Variants in CLPTM1 observed in about 807,000 individuals in gnomAD.
CLPTM1 encodes the protein CLPTM1 regulator of GABA type A receptor forward trafficking.
CLPTM1 carries 21 observed loss-of-function variants against 77.3 expected under a neutral mutation model. The ratio of observed to expected loss-of-function variants is 0.27; its 90% confidence interval spans 0.19 to 0.39. The LOEUF (loss-of-function observed/expected upper bound fraction) is 0.39. Ranked by LOEUF, CLPTM1 falls within the 10% of genes least tolerant of loss-of-function variation. The pLI is 1.00. For synonymous variants in CLPTM1, 373 were observed against 381.0 expected (o/e 0.98, Z 0.24); for missense variants, 642 against 921.2 (o/e 0.70, Z 3.92).
intron 5 of CLPTM1, among the ~76,000 whole-genome samples, chr19:44,981,249 A>G (rs112309364): frequency 1.5e-4 from 23 of 151,682 alleles, no homozygotes; most frequent in Non-Finnish European, 2.6e-4. Context: ...GGTTCAAGCA[A>G]TTCTGCCTCA....
Position 44,987,302 on chromosome 19 carries a change from CCTT to C in CLPTM1, c.920_922del (p.Phe307del). ...CTGGCCAGCCTGCCGCTCCGCGTCTCCTTCTGCCCACTCTCGCTTTGGCGCTGG... is the reference window on the plus strand; with the variant it reads ...CTGGCCAGCCTGCCGCTCCGCGTCTCCTGCCCACTCTCGCTTTGGCGCTGG... On this transcript the variant is annotated inframe_deletion, in exon 8 of 14. Coordinates refer to ENST00000337392, the MANE Select transcript of CLPTM1 (RefSeq NM_001294.4). 3 of 1,614,284 alleles carry C rather than the reference CCTT, an allele frequency of 1.9e-6. No homozygotes were observed. The highest frequency in any genetic ancestry group is 2.5e-6 in the Non-Finnish European group (3 of 1,180,054).
rs1971077191 is a variant in CLPTM1, at chr19:44,991,611, T to A, written c.1555+238T>A. On this transcript the variant is annotated intron_variant, in intron 12 of 13. Coordinates refer to ENST00000337392, the MANE Select transcript of CLPTM1 (RefSeq NM_001294.4). This position sits in a 1 kb window ranked among gnomAD's most constrained non-coding sequence, Gnocchi z 5.4. The stretch of plus-strand genomic sequence containing the variant: ...GGGGCCTTTGTGTCTTGGGAACAAG[T>A]AAACAAGTAGGGCCAGGTGCAGTGG... Among the ~76,000 whole-genome samples, 1 of 152,030 alleles carries A rather than the reference T, an allele frequency of 6.6e-6. No homozygotes were observed. The highest frequency in any genetic ancestry group is 6.6e-5 in the Admixed American group (1 of 15,256).
Position 44,987,190 on chromosome 19 carries a change from G to C in CLPTM1, c.805G>C (p.Asp269His). The C allele has an allele frequency of 6.2e-7, 1 of 1,609,320 alleles. No individual in the cohort carries two copies. ...CCCACGTGCTGCAGATGTGAAGTTCGACGCCGTGAGCGGTGACTACTATCC... is the reference window on the plus strand; with the variant it reads ...CCCACGTGCTGCAGATGTGAAGTTCCACGCCGTGAGCGGTGACTACTATCC... ...PPPLDQYVKFDAVSGDYYPII... is the reference protein window; with the variant it reads ...PPPLDQYVKFHAVSGDYYPII... Residue 269 changes from aspartate (D) to histidine (H), a missense_variant, in exon 8 of 14, where the codon GAC becomes CAC. Physicochemically the swap from Asp to His is moderately conservative, Grantham distance 81 (BLOSUM62 -1). Transcript: ENST00000337392.
rs555781380 is a variant in CLPTM1 at position 44,992,532 on chromosome 19, C to T, written c.1724-79C>T. The T allele has an allele frequency of 5.5e-5, 88 of 1,596,076 alleles. 1 individual carries two copies. The East Asian group carries it at 1.9e-3, about 35-fold the overall frequency. The stretch of plus-strand genomic sequence containing the variant: ...CTGAGGGGGCTCGGCCCCGCCCTTG[C>T]ATCACGCCCTCTCCACCCAGGCCCA... On this transcript the variant is annotated intron_variant, in intron 13 of 13. Coordinates refer to ENST00000337392, the MANE Select transcript of CLPTM1 (RefSeq NM_001294.4). This position sits in a 1 kb window ranked among gnomAD's most constrained non-coding sequence, Gnocchi z 7.7.
chr19:44,958,714 G>C (rs1237943970), intron 1 of CLPTM1, among the ~76,000 whole-genome samples: 2 of 152,172 alleles, frequency 1.3e-5, no homozygotes, highest in Admixed American at 6.6e-5. Context: ...CTGTTCTTAG[G>C]ATAGAGTCCA....
At chr19:44,960,178 A>G (rs1035717176) in intron 1 of CLPTM1, among the ~76,000 whole-genome samples, 1 of 152,088 alleles carries the variant, frequency 6.6e-6, no homozygotes, top group Non-Finnish European at 1.5e-5. Context: ...TCTCTGTCTC[A>G]GCCTAAGGGT....
At position 44,985,300 on chromosome 19, in the gene CLPTM1, C is replaced by A. The variant is rs1333280231; in HGVS notation, c.669C>A (p.Ile223=). The A allele has an allele frequency of 3.1e-6, 5 of 1,610,172 alleles. No homozygotes were observed. In the African/African-American group the frequency reaches 5.3e-5, roughly 17 times the overall value. The change falls in exon 6 of 14, where the codon ATC becomes ATA. Residue 223 remains isoleucine, a synonymous_variant. Coordinates refer to ENST00000337392, the MANE Select transcript of CLPTM1 (RefSeq NM_001294.4). ...AGACAGAAGCGGACCCAGAAATGAT[C>A]AAGGTAAATGGGCAGGGTTGTCAGG... ...TGETEADPEM[I]KRAEDYGPVE... is the part of the protein sequence containing the mutation.
intron 6 of CLPTM1, 32 bp downstream of exon 6, chr19:44,985,335 G>A: frequency 6.9e-7 from 1 of 1,452,672 alleles, no homozygotes. Flanking sequence ...GGCCTATAGG[G>A]ACCAAGCCAG....
At chr19:44,959,554 G>GTGT (rs1970513229) in intron 1 of CLPTM1, among the ~76,000 whole-genome samples, 1 of 152,112 alleles carries the variant, frequency 6.6e-6, no homozygotes, top group East Asian at 1.9e-4. Context: ...AGGTCTTGCT[G>GTGT]TGTTGCCCAG....
chr19:44,990,865 A>C lies in CLPTM1; in HGVS notation c.1339A>C (p.Arg447=). Residue 447 remains arginine (R), a synonymous_variant, in exon 11 of 14, where the codon AGG becomes CGG. Transcript: ENST00000337392. This position sits in a 1 kb window ranked among gnomAD's most constrained non-coding sequence, Gnocchi z 4.8. ...VMDVRLDREH[R]VAGIFPRLSF... is the part of the protein sequence containing the mutation. ...TCATCCACAGCTGGACCGAGAGCAC[A>C]GGGTGGCAGGAATCTTCCCCCGCCT... 6.2e-7 allele frequency: 1 copy of C among 1,613,842 alleles called. No individual in the cohort carries two copies. The highest frequency in any genetic ancestry group is 8.5e-7 in the Non-Finnish European group (1 of 1,179,834).
chr19:44,993,223 T>C lies in CLPTM1; in HGVS notation c.*326T>C, dbSNP rs1200134845. The C allele has an allele frequency of 3.7e-6, 2 of 541,568 alleles. No individual in the cohort carries two copies. The highest frequency in any genetic ancestry group is 2.2e-5 in the Admixed American group (1 of 44,878). 33.5% of individuals were successfully genotyped at this position (541,568 alleles called of 1,614,324 possible). ...GGTGGGGCCGGGCCCCCCTACGGGA[T>C]GCCCACGGCCGTTCATCATCTTGTC... On this transcript the variant is annotated 3_prime_UTR_variant, in exon 14 of 14. Transcript: ENST00000337392.
At chr19:44,955,966 G>A (rs1970457841) in intron 1 of CLPTM1, 1 of 154,098 alleles carries the variant, frequency 6.5e-6, no homozygotes, top group Non-Finnish European at 1.4e-5. Context: ...CTTCTAGAAG[G>A]TCATCCTGGT....
intron 1 of CLPTM1, among the ~76,000 whole-genome samples, chr19:44,959,134 T>C (rs919325038): frequency 6.6e-6 from 1 of 152,202 alleles, no homozygotes; most frequent in Non-Finnish European, 1.5e-5. Flanking sequence ...TTGAAGGATA[T>C]TTGGATTGTT....
intron 5 of CLPTM1, among the ~76,000 whole-genome samples, chr19:44,983,691 G>A (rs1487487542): frequency 1.4e-5 from 2 of 144,238 alleles, no homozygotes; most frequent in Admixed American, 1.4e-4. Flanking sequence ...GGCCAGGTGC[G>A]GCAGCTCACA....
rs1971048799 is a variant in CLPTM1 at position 44,990,301 on chromosome 19, G to A, written c.1133-94G>A. On this transcript the variant is annotated intron_variant, in intron 9 of 13. Coordinates refer to ENST00000337392, the MANE Select transcript of CLPTM1 (RefSeq NM_001294.4). The surrounding 1 kb of genome is among the most constrained non-coding windows in gnomAD (Gnocchi z 4.8). ...CCTGAGGACCCAGCCCCACCCCAGG[G>A]TGTGAGGATGCAGGCCAAGGGGGCC... 6.8e-6 allele frequency: 9 copies of A among 1,325,414 alleles called. No individual in the cohort carries two copies. The South Asian group carries it at 9.2e-5, about 14-fold the overall frequency. The allele number at this position is 1,325,414 out of a possible 1,614,324, so 82.1% of individuals were successfully genotyped here. A position where few individuals can be genotyped will look rare whatever the true frequency, so the allele number is the denominator to read the frequency against.
chr19:44,960,444 G>A (rs80218234), intron 1 of CLPTM1, among the ~76,000 whole-genome samples: 1,931 of 152,322 alleles, frequency 0.013, 39 homozygotes, highest in African/African-American at 0.041. Flanking sequence ...TCAGAGAGGT[G>A]AAGTGATGTG....
intron 4 of CLPTM1, among the ~76,000 whole-genome samples, chr19:44,976,904 A>C (rs927570517): frequency 6.6e-6 from 1 of 152,156 alleles, no homozygotes; most frequent in Admixed American, 6.5e-5. Context: ...TTAACTCGTT[A>C]GATTAGGAAG....
intron 2 of CLPTM1, among the ~76,000 whole-genome samples, chr19:44,967,267 CG>C (rs1378384963): frequency 1.3e-5 from 2 of 151,988 alleles, no homozygotes; most frequent in Admixed American, 6.6e-5. Context: ...TGCAATGGGC[CG>C]TGATGATACT....
At chr19:44,983,977 A>C (rs893586058) in intron 5 of CLPTM1, among the ~76,000 whole-genome samples, 3 of 151,190 alleles carry the variant, frequency 2.0e-5, no homozygotes, top group South Asian at 2.2e-4. Context: ...AAAAAACAGA[A>C]ACGTCCCCAG....
Sources: gnomAD v4.1 joint callset for allele counts (sites outside exome capture counted in the v4.1 genomes callset) on GRCh38, gnomAD v4.1.1 for gene constraint, Gnocchi (gnomAD v3.1) non-coding constraint, MANE v1.5 for transcripts, NCBI Gene and HGNC (gene_info 2026-07-23, HGNC 2026-07-21) for gene names.